ANKH: variants seen among roughly 807,000 people sequenced by gnomAD.
ANKH encodes the protein ANKH inorganic pyrophosphate transport regulator, also known as mineralization regulator ANKH.
A neutral mutation model predicts 49.0 loss-of-function variants in ANKH; 15 were observed. The ratio of observed to expected loss-of-function variants is 0.31; its 90% CI spans 0.20 to 0.47. The LOEUF (loss-of-function observed/expected upper bound fraction) is 0.47. Among genes scored for constraint, ANKH ranks in the 20% least tolerant of loss-of-function variants. The pLI is 1.00. For synonymous variants in ANKH, 273 were observed against 260.0 expected (o/e 1.05, Z -0.48); for missense variants, 429 against 652.0 (o/e 0.66, Z 3.72).
chr5:14,826,348 A>C lies in ANKH; in HGVS notation c.96+45004T>G, dbSNP rs1254762025. ...AGAAAACAGAGTTGGTGACTAAGTTATCTCTCTACCAAATCTTGTCAGATT... is the reference window on the plus strand; with the variant it reads ...AGAAAACAGAGTTGGTGACTAAGTTCTCTCTCTACCAAATCTTGTCAGATT... On this transcript the variant is annotated intron_variant, in intron 1 of 11. Coordinates refer to ENST00000284268, the MANE Select transcript of ANKH (RefSeq NM_054027.6). 2.0e-5 allele frequency among the ~76,000 whole-genome samples: 3 copies of C among 152,348 alleles called. 1 individual carries two copies. The highest frequency in any genetic ancestry group is 4.1e-4 in the South Asian group (2 of 4,822).
At chr5:14,782,511 T>A (rs1408888921) in intron 1 of ANKH, among the ~76,000 whole-genome samples, 1 of 152,202 alleles carries the variant, frequency 6.6e-6, no homozygotes, top group African/African-American at 2.4e-5. Context: ...TTAGAGATTA[T>A]AGTTGATGCT....
Position 14,736,006 on chromosome 5 carries a change from CTTTTTTTTTTTTTTTTT to C in ANKH, c.1011+5804_1011+5820del, listed in dbSNP as rs540010631. Among the ~76,000 whole-genome samples, 399 of 83,704 alleles carry C rather than the reference CTTTTTTTTTTTTTTTTT, an allele frequency of 4.8e-3. 2 individuals are homozygous for C. Among genetic ancestry groups the C allele is most frequent in the African/African-American group, 0.021 (355 of 17,240 alleles). 54.9% of individuals were successfully genotyped at this position (83,704 alleles called of 152,430 possible). A position where few individuals can be genotyped will look rare whatever the true frequency, so the allele number is the denominator to read the frequency against. ...AGAAAGATCCAGAGTAAAAACCTAA[CTTTTTTTTTTTTTTTTT>C]TTTTTTTTTTTTTTTAAAGAATCAG... On this transcript the variant is annotated intron_variant, in intron 8 of 11. Coordinates refer to ENST00000284268, the MANE Select transcript of ANKH (RefSeq NM_054027.6).
chr5:14,832,472 T>C (rs1273482767), intron 1 of ANKH, among the ~76,000 whole-genome samples: 1 of 152,216 alleles, frequency 6.6e-6, no homozygotes, highest in Non-Finnish European at 1.5e-5. Context: ...AATTGCTAGT[T>C]CATGGTCCTA....
In ANKH at chr5:14,758,507, G is replaced by T. The variant is rs149656955; in HGVS notation, c.405C>A (p.Leu135=). The change falls in exon 3 of 12, where the codon CTC becomes CTA. Residue 135 remains leucine (L), a synonymous_variant. Transcript: ENST00000284268. Reference sequence around the variant, plus strand: ...TTGCGTCCATGAAAGGAAAGGCGGCGAGGTACAGGAAGGCCCTTCTCGTCT... The same window carrying T: ...TTGCGTCCATGAAAGGAAAGGCGGCTAGGTACAGGAAGGCCCTTCTCGTCT... ...GSKTRRAFLY[L]AAFPFMDAMA... 1 of 1,613,926 alleles carries T rather than the reference G, an allele frequency of 6.2e-7. No individual in the cohort carries two copies. The highest frequency in any genetic ancestry group is 8.5e-7 in the Non-Finnish European group (1 of 1,179,948).
chr5:14,750,595 T>C (rs926444887), intron 5 of ANKH, among the ~76,000 whole-genome samples: 3 of 152,212 alleles, frequency 2.0e-5, no homozygotes, highest in African/African-American at 7.2e-5. Flanking sequence ...TGTTGCCCTA[T>C]GGTACCTAAC....
intron 2 of ANKH, among the ~76,000 whole-genome samples, chr5:14,767,310 C>T (rs1168596607): frequency 2.6e-5 from 4 of 152,146 alleles, no homozygotes; most frequent in Non-Finnish European, 4.4e-5. Flanking sequence ...GGCCAACACT[C>T]TAGAAAAGGG....
intron 8 of ANKH, among the ~76,000 whole-genome samples, chr5:14,718,625 A>G (rs1737561928): frequency 6.6e-6 from 1 of 152,150 alleles, no homozygotes; most frequent in South Asian, 2.1e-4. Flanking sequence ...AGCCTGGCCA[A>G]CATGGAGAAA....
intron 1 of ANKH, among the ~76,000 whole-genome samples, chr5:14,858,002 T>C (rs1040832832): frequency 2.0e-5 from 3 of 152,238 alleles, no homozygotes; most frequent in Non-Finnish European, 4.4e-5. Flanking sequence ...CTGTACAATA[T>C]GTTGCATAGC....
At chr5:14,763,015 A>G (rs1439919091) in intron 2 of ANKH, among the ~76,000 whole-genome samples, 5 of 152,244 alleles carry the variant, frequency 3.3e-5, no homozygotes, top group Non-Finnish European at 7.3e-5. Flanking sequence ...AACAAGGGAC[A>G]CAGAAAGTGC....
chr5:14,767,063 G>A (rs2062537), intron 2 of ANKH, among the ~76,000 whole-genome samples: 1 of 152,008 alleles, frequency 6.6e-6, no homozygotes, highest in Non-Finnish European at 1.5e-5. Flanking sequence ...CATTGGAAGG[G>A]CAACGTTCAA....
intron 1 of ANKH, among the ~76,000 whole-genome samples, chr5:14,798,806 C>T (rs1365223404): frequency 6.6e-6 from 1 of 152,156 alleles, no homozygotes; most frequent in Non-Finnish European, 1.5e-5. Flanking sequence ...TGCCTCCAGG[C>T]CTCCCTGTTA....
chr5:14,827,972 A>G (rs191287706), intron 1 of ANKH, among the ~76,000 whole-genome samples: 1 of 152,238 alleles, frequency 6.6e-6, no homozygotes, highest in Non-Finnish European at 1.5e-5. Flanking sequence ...CATATCTCAG[A>G]TCATACCACG....
intron 1 of ANKH, among the ~76,000 whole-genome samples, chr5:14,837,519 A>T (rs1316043874): frequency 1.3e-5 from 2 of 152,276 alleles, no homozygotes; most frequent in Admixed American, 6.5e-5. Flanking sequence ...AGACACATGA[A>T]AAAATGCTCA....
At chr5:14,869,210 A>G (rs988222785) in intron 1 of ANKH, 1 of 152,164 alleles carries the variant, frequency 6.6e-6, no homozygotes, top group African/African-American at 2.4e-5. Context: ...ACCCACACAT[A>G]CCAGGTCACT....
intron 1 of ANKH, among the ~76,000 whole-genome samples, chr5:14,792,541 C>T (rs919421875): frequency 3.9e-5 from 6 of 152,182 alleles, no homozygotes; most frequent in Admixed American, 3.3e-4. Flanking sequence ...CCTCCTTCAC[C>T]GCTCTATCTA....
intron 8 of ANKH, among the ~76,000 whole-genome samples, chr5:14,717,318 A>C (rs952477273): frequency 6.6e-6 from 1 of 152,274 alleles, no homozygotes; most frequent in African/African-American, 2.4e-5. Flanking sequence ...ATTTAGAGTA[A>C]GGATCAGCCT....
intron 1 of ANKH, 71 bp downstream of exon 1, chr5:14,871,281 T>A: frequency 7.3e-7 from 1 of 1,377,076 alleles, no homozygotes; most frequent in Non-Finnish European, 1.0e-6. Flanking sequence ...GTGACTCCCC[T>A]CCGCCCCCGT....
intron 1 of ANKH, among the ~76,000 whole-genome samples, chr5:14,862,521 C>T (rs183206626): frequency 1.3e-5 from 2 of 152,278 alleles, no homozygotes; most frequent in Non-Finnish European, 2.9e-5. Context: ...CCATCTTCAT[C>T]TTCTGCAGAC....
chr5:14,798,471 G>A (rs1391089867), intron 1 of ANKH: 7 of 1,228,304 alleles, frequency 5.7e-6, no homozygotes, highest in African/African-American at 3.1e-5. Context: ...GCAGGCGTTC[G>A]CTCTGCGCAC....
Sources: gnomAD v4.1 joint callset for allele counts (sites outside exome capture counted in the v4.1 genomes callset) on GRCh38, gnomAD v4.1.1 for gene constraint, MANE v1.5 for transcripts, NCBI Gene and HGNC (gene_info 2026-07-23, HGNC 2026-07-21) for gene names.